AKT3: variants seen among roughly 807,000 people sequenced by gnomAD.
The protein encoded by AKT3 is RAC-gamma serine/threonine-protein kinase.
A neutral mutation model predicts 65.3 loss-of-function variants in AKT3; 15 were observed. That is an observed-to-expected ratio of 0.23 (90% CI 0.15 to 0.35). The LOEUF is 0.35. Ranked by LOEUF, AKT3 falls within the 10% of genes least tolerant of loss-of-function variation. AKT3 has a pLI of 1.00. For missense variants in AKT3, 243 were observed against 576.5 expected, an observed-to-expected ratio of 0.42 and a Z score of 5.92; for synonymous variants, 206 against 183.8, an observed-to-expected ratio of 1.12 and a Z score of -0.98.
At chr1:243,841,307 T>C (rs143745826) in intron 2 of AKT3, among the ~76,000 whole-genome samples, 59 of 152,302 alleles carry the variant, frequency 3.9e-4, no homozygotes, top group Non-Finnish European at 5.1e-4. Flanking sequence ...ACAGCTTACA[T>C]TGTGTTAGAA....
At chr1:243,533,233 A>G (rs1017449123) in intron 12 of AKT3, among the ~76,000 whole-genome samples, 2 of 152,018 alleles carry the variant, frequency 1.3e-5, no homozygotes, top group Admixed American at 6.5e-5. Flanking sequence ...CAATACTACA[A>G]TTTGGGTGCA....
At position 243,501,709 on chromosome 1, in the gene AKT3, A is replaced by T. The variant is rs538301014; in HGVS notation, c.*3540T>A. The stretch of plus-strand genomic sequence containing the variant: ...TTAAAAATCATGTTTTCATTAAAGA[A>T]GATTTAATTTGGGGGGATTATAGAA... On this transcript the variant is annotated 3_prime_UTR_variant, in exon 14 of 14. Transcript: ENST00000673466. The T allele has an allele frequency of 3.9e-5, 9 of 232,928 alleles. No homozygotes were observed. Among genetic ancestry groups the T allele is most frequent in the Non-Finnish European group, 6.8e-5 (8 of 117,930 alleles). 14.4% of individuals were successfully genotyped at this position (232,928 alleles called of 1,614,324 possible). A position where few individuals can be genotyped will look rare whatever the true frequency, so the allele number is the denominator to read the frequency against.
chr1:243,626,494 A>G (rs780314861), intron 6 of AKT3, among the ~76,000 whole-genome samples: 6 of 152,232 alleles, frequency 3.9e-5, no homozygotes, highest in Non-Finnish European at 7.3e-5. Flanking sequence ...AATGACAATG[A>G]AGAACCTCAG....
At chr1:243,811,267 A>G (rs574501683) in intron 2 of AKT3, among the ~76,000 whole-genome samples, 1 of 152,352 alleles carries the variant, frequency 6.6e-6, no homozygotes, top group Admixed American at 6.5e-5. Context: ...TTGTATATCT[A>G]GAAAACCCCA....
chr1:243,816,769 A>T (rs933721603), intron 2 of AKT3, among the ~76,000 whole-genome samples: 2 of 152,190 alleles, frequency 1.3e-5, no homozygotes, highest in African/African-American at 2.4e-5. Flanking sequence ...AAGATAAAAC[A>T]TAAAACTTAT....
chr1:243,530,770 G>T (rs1291061734), intron 12 of AKT3, among the ~76,000 whole-genome samples: 2 of 152,142 alleles, frequency 1.3e-5, no homozygotes, highest in Non-Finnish European at 2.9e-5. Context: ...TAGACTGCTA[G>T]CTAGAATAAC....
chr1:243,623,294 A>G (rs745339415), intron 6 of AKT3, among the ~76,000 whole-genome samples: 3 of 152,206 alleles, frequency 2.0e-5, no homozygotes, highest in African/African-American at 7.2e-5. Context: ...GGCTCAGGTA[A>G]GCTTCTTTAG....
At chr1:243,678,692 T>G (rs533915769) in intron 3 of AKT3, among the ~76,000 whole-genome samples, 10 of 152,316 alleles carry the variant, frequency 6.6e-5, no homozygotes, top group Non-Finnish European at 1.2e-4. Context: ...TTCAAAATCA[T>G]CAAGCCATTA....
chr1:243,746,480 T>C (rs1688478472), intron 2 of AKT3, among the ~76,000 whole-genome samples: 1 of 152,236 alleles, frequency 6.6e-6, no homozygotes, highest in African/African-American at 2.4e-5. Context: ...TCTGGTCAAT[T>C]AGTGTGTCAC....
rs113061366 is a variant in AKT3 at position 243,795,454 on chromosome 1, T to G, written c.46+47671A>C. On this transcript the variant is annotated intron_variant, in intron 2 of 13. Transcript: ENST00000673466. ...AGGTTTCCCTTGATCTCCTTGTTTTTTTTTTTTGTTTTTTTTTTTTGGTTT... is the reference window on the plus strand; with the variant it reads ...AGGTTTCCCTTGATCTCCTTGTTTTGTTTTTTTGTTTTTTTTTTTTGGTTT... 1.9e-3 allele frequency among the ~76,000 whole-genome samples: 215 copies of G among 116,216 alleles called. 4 individuals are homozygous for G. Among genetic ancestry groups the G allele is most frequent in the African/African-American group, 8.5e-3 (202 of 23,728 alleles). The allele number at this position is 116,216 out of a possible 152,430, so 76.2% of individuals were successfully genotyped here.
intron 8 of AKT3, among the ~76,000 whole-genome samples, chr1:243,593,325 G>A (rs1478526787): frequency 3.3e-5 from 5 of 152,106 alleles, no homozygotes; most frequent in Non-Finnish European, 7.4e-5. Context: ...AATACATTAT[G>A]ACTAAAAGAT....
chr1:243,690,759 T>C (rs1407870783), intron 3 of AKT3, among the ~76,000 whole-genome samples: 1 of 152,110 alleles, frequency 6.6e-6, no homozygotes, highest in Non-Finnish European at 1.5e-5. Context: ...GTAATATTTA[T>C]GTGATAGTCG....
intron 2 of AKT3, among the ~76,000 whole-genome samples, chr1:243,796,294 A>C (rs1692001009): frequency 6.6e-6 from 1 of 152,230 alleles, no homozygotes; most frequent in Admixed American, 6.5e-5. Flanking sequence ...AGAAGCCCTG[A>C]GAGAGCTCTT....
intron 3 of AKT3, among the ~76,000 whole-genome samples, chr1:243,694,739 C>A (rs1684949740): frequency 6.6e-6 from 1 of 151,794 alleles, no homozygotes; most frequent in South Asian, 2.1e-4. Context: ...GACTTATTTT[C>A]TTGAATTTTT....
chr1:243,637,691 T>A lies in AKT3; in HGVS notation c.481A>T (p.Lys161Ter). 2 of 1,599,320 alleles carry A rather than the reference T, an allele frequency of 1.3e-6. No individual in the cohort carries two copies. Among genetic ancestry groups the A allele is most frequent in the Non-Finnish European group, 1.7e-6 (2 of 1,167,682 alleles). Residue 161 changes from lysine to a stop codon, truncating the protein, a stop_gained, in exon 6 of 14, where the codon AAA becomes TAA. Coordinates refer to ENST00000673466, the MANE Select transcript of AKT3 (RefSeq NM_005465.7). LOFTEE classifies it high-confidence loss of function. ...LKLLGKGTFGKVILVREKASG... is the reference protein window; with the variant it reads ...LKLLGKGTFG ...GCCTTCTCTCGAACCAAAATAACTT[T>A]CCCAAAAGTGCCTTTACCTAGTAGT...
intron 13 of AKT3, among the ~76,000 whole-genome samples, chr1:243,489,651 G>A (rs778837390): frequency 7.2e-5 from 11 of 152,204 alleles, no homozygotes; most frequent in Non-Finnish European, 1.6e-4. Flanking sequence ...ACCCGGCAGT[G>A]TTACACACAG....
At chr1:243,701,155 G>A (rs554143992) in intron 2 of AKT3, among the ~76,000 whole-genome samples, 1 of 152,314 alleles carries the variant, frequency 6.6e-6, no homozygotes, top group Admixed American at 6.5e-5. Context: ...AGCTAGAAGT[G>A]TACATCTCTG....
intron 10 of AKT3, among the ~76,000 whole-genome samples, chr1:243,562,253 T>C (rs1673842840): frequency 6.6e-6 from 1 of 152,162 alleles, no homozygotes; most frequent in South Asian, 2.1e-4. Flanking sequence ...TGATTCCATT[T>C]GTATGAACTG....
chr1:243,729,248 T>C (rs925720482), intron 2 of AKT3, among the ~76,000 whole-genome samples: 3 of 152,150 alleles, frequency 2.0e-5, no homozygotes, highest in Admixed American at 2.0e-4. Flanking sequence ...AAGCAATATG[T>C]CAAGAGGGGG....
Sources: gnomAD v4.1 joint callset for allele counts (sites outside exome capture counted in the v4.1 genomes callset) on GRCh38, gnomAD v4.1.1 for gene constraint, MANE v1.5 for transcripts, NCBI Gene and HGNC (gene_info 2026-07-23, HGNC 2026-07-21) for gene names.